Variants in TEX14 observed in about 807,000 individuals in gnomAD.
TEX14 encodes the protein testis expressed 14, intercellular bridge forming factor.
In TEX14, 168 loss-of-function variants were observed where a neutral mutation model predicts 178.6. That is an observed-to-expected ratio of 0.94 (90% CI 0.83 to 1.07). The LOEUF (loss-of-function observed/expected upper bound fraction) is 1.07, where lower values mean the gene tolerates loss of function less well. Ranked by LOEUF, TEX14 falls within the 50% of genes least tolerant of loss-of-function variation. The probability of loss-of-function intolerance (pLI) is 0.00; values close to 1 mark genes in which losing one functional copy is unlikely to be tolerated. For missense variants in TEX14, 1,730 were observed against 1,753.6 expected, an observed-to-expected ratio of 0.99 and a Z score of 0.24; for synonymous variants, 626 against 634.1, an observed-to-expected ratio of 0.99 and a Z score of 0.19.
chr17:58,607,514 A>G (rs567413689), intron 10 of TEX14, among the ~76,000 whole-genome samples: 1 of 152,130 alleles, frequency 6.6e-6, no homozygotes, highest in Admixed American at 6.5e-5. Context: ...GTTTAGCCCC[A>G]TCTGTGTCTC....
At chr17:58,679,491 AGATACAAC>A (rs1021486935) in intron 1 of TEX14, 3 of 152,194 alleles carry the variant, frequency 2.0e-5, no homozygotes, top group African/African-American at 7.2e-5. Context: ...TACGAAGCAA[AGATACAAC>A]GTACGCCTTT....
intron 2 of TEX14, among the ~76,000 whole-genome samples, chr17:58,635,239 A>G (rs1211853781): frequency 6.6e-6 from 1 of 152,182 alleles, no homozygotes; most frequent in Non-Finnish European, 1.5e-5. Context: ...TCATCCATAC[A>G]CATGTAGCAG....
intron 30 of TEX14, among the ~76,000 whole-genome samples, chr17:58,558,946 G>A (rs940228203): frequency 3.9e-5 from 6 of 152,144 alleles, no homozygotes; most frequent in Admixed American, 3.9e-4. Context: ...GAGGCAGGCA[G>A]ATCACCTGAG....
intron 2 of TEX14, among the ~76,000 whole-genome samples, chr17:58,648,510 C>T (rs1451963180): frequency 6.6e-6 from 1 of 152,144 alleles, no homozygotes; most frequent in Non-Finnish European, 1.5e-5. Context: ...TATGCTCACC[C>T]ACCCATCAAG....
chr17:58,558,767 C>T (rs192960631), intron 30 of TEX14, among the ~76,000 whole-genome samples: 132 of 152,274 alleles, frequency 8.7e-4, no homozygotes, highest in African/African-American at 3.0e-3. Flanking sequence ...ATAATTTTCA[C>T]ATTACTTGTA....
intron 1 of TEX14, among the ~76,000 whole-genome samples, chr17:58,665,174 T>C (rs950295353): frequency 6.6e-6 from 1 of 152,058 alleles, no homozygotes; most frequent in Non-Finnish European, 1.5e-5. Context: ...TTTATATTTA[T>C]AGAGATAGGG....
At chr17:58,601,502 A>G (rs1279233257) in intron 13 of TEX14, among the ~76,000 whole-genome samples, 1 of 151,190 alleles carries the variant, frequency 6.6e-6, no homozygotes, top group African/African-American at 2.4e-5. Context: ...AGCCTGGGCA[A>G]CAGAGCAAGA....
chr17:58,562,960 T>C (rs1445213202), intron 28 of TEX14, among the ~76,000 whole-genome samples: 1 of 151,890 alleles, frequency 6.6e-6, no homozygotes, highest in Non-Finnish European at 1.5e-5. Context: ...TAGACCCAAC[T>C]ACTTGGCAGC....
At chr17:58,641,488 T>TTTTTTA (rs1555577864) in intron 2 of TEX14, among the ~76,000 whole-genome samples, 1 of 143,646 alleles carries the variant, frequency 7.0e-6, no homozygotes, top group Non-Finnish European at 1.5e-5. Context: ...TTCTCTTTTA[T>TTTTTTA]TTATTATTAT....
At chr17:58,633,840 C>T (rs536046257) in intron 2 of TEX14, among the ~76,000 whole-genome samples, 44 of 151,876 alleles carry the variant, frequency 2.9e-4, no homozygotes, top group South Asian at 2.3e-3. Context: ...TGGTGGCACA[C>T]GCCTGTAGTC....
At chr17:58,566,146 T>G (rs1382471159) in intron 26 of TEX14, among the ~76,000 whole-genome samples, 2 of 152,132 alleles carry the variant, frequency 1.3e-5, no homozygotes, top group Non-Finnish European at 2.9e-5. Context: ...AAAATAGAAA[T>G]GATGATGATC....
chr17:58,559,286 G>A (rs911294385), intron 30 of TEX14, among the ~76,000 whole-genome samples, 167 bp downstream of exon 30: 2 of 152,186 alleles, frequency 1.3e-5, no homozygotes, highest in African/African-American at 4.8e-5. Context: ...TTGTGATAAA[G>A]CTATGATTGG....
intron 1 of TEX14, among the ~76,000 whole-genome samples, chr17:58,684,772 C>T (rs1050747677): frequency 1.3e-5 from 2 of 151,946 alleles, no homozygotes; most frequent in South Asian, 2.1e-4. Context: ...GTCAGGAGTT[C>T]GAGATCAGCC....
Position 58,613,441 on chromosome 17 carries a change from A to G in TEX14, c.985T>C (p.Phe329Leu). The change falls in exon 9 of 32, where the codon TTC becomes CTC. Residue 329 changes from phenylalanine (F) to leucine (L), a missense_variant. By Grantham distance (22) the Phe-to-Leu change is conservative. Around this residue, in one of 2 missense-constraint regions of TEX14, gnomAD observed 789 missense variants for 681.2 expected, o/e 1.16. Coordinates refer to ENST00000349033, the MANE Select transcript of TEX14 (RefSeq NM_031272.5). ...TTTACTCGTTCATGAAGGACACTGA[A>G]CAATGTGCCGATAGTGATGCGCTCG... is the stretch of plus-strand genomic sequence containing the variant. ...VYERITIGTL[F>L]SVLHERRSQF... 6.2e-7 allele frequency: 1 copy of G among 1,614,130 alleles called. No homozygotes were observed. The highest frequency in any genetic ancestry group is 8.5e-7 in the Non-Finnish European group (1 of 1,180,002).
chr17:58,659,400 G>A, intron 1 of TEX14: 1 of 822,114 alleles, frequency 1.2e-6, no homozygotes, highest in Non-Finnish European at 1.5e-6. Flanking sequence ...GCATCGCTTC[G>A]AAACTACCGC....
At position 58,602,603 on chromosome 17, in the gene TEX14, A is replaced by G. The variant is rs1453847234; in HGVS notation, c.1337-13T>C. On this transcript the variant is annotated splice_polypyrimidine_tract_variant and intron_variant, in intron 11 of 31. Transcript: ENST00000349033. ...CAGGGTATGTCATCTGTAAGGAAAA[A>G]GTCATACAAAAGAGTAAATTAGGAA... 1 of 1,600,038 alleles carries G rather than the reference A, an allele frequency of 6.2e-7. No individual in the cohort carries two copies. Among genetic ancestry groups the G allele is most frequent in the Non-Finnish European group, 8.5e-7 (1 of 1,172,314 alleles).
chr17:58,602,248 T>A, intron 12 of TEX14, 152 bp downstream of exon 12: 1 of 796,622 alleles, frequency 1.3e-6, no homozygotes, highest in Non-Finnish European at 2.0e-6. Flanking sequence ...AGTTAAGCAG[T>A]TAGGCTATTA....
At chr17:58,615,108 A>T in intron 8 of TEX14, 124 bp downstream of exon 8, 1 of 615,364 alleles carries the variant, frequency 1.6e-6, no homozygotes, top group Non-Finnish European at 2.9e-6. Flanking sequence ...CAATTTCAAC[A>T]GTCAGGAAAT....
intron 2 of TEX14, among the ~76,000 whole-genome samples, chr17:58,647,598 T>C (rs1486882488): frequency 6.9e-6 from 1 of 144,748 alleles, no homozygotes; most frequent in Non-Finnish European, 1.5e-5. Flanking sequence ...CAACCAAGAG[T>C]GTGCTTGAGG....
Sources: allele counts gnomAD v4.1 joint callset (sites outside exome capture counted in the v4.1 genomes callset), GRCh38; gene constraint gnomAD v4.1.1; regional missense constraint gnomAD v4.1.1; transcripts MANE v1.5; gene names NCBI Gene and HGNC (gene_info 2026-07-23, HGNC 2026-07-21).